The following LGI2 variants were observed in gnomAD, a reference collection of about 807,000 sequenced individuals.
LGI2 encodes leucine-rich repeat LGI family member 2.
A neutral mutation model predicts 52.0 loss-of-function variants in LGI2; 30 were observed. The observed-to-expected ratio is 0.58, with a 90% CI of 0.43 to 0.78. The LOEUF is 0.78. LGI2 is among the 30% of genes least tolerant of loss of function. The pLI is 0.00. For missense variants in LGI2, 573 were observed against 692.5 expected, an observed-to-expected ratio of 0.83 and a Z score of 1.94; for synonymous variants, 270 against 271.8, an observed-to-expected ratio of 0.99 and a Z score of 0.06.
rs759693990 is a variant in LGI2, at chr4:25,012,324, C to T, written c.820+11G>A. On this transcript the variant is annotated intron_variant, in intron 7 of 7. Transcript: ENST00000382114. ...ATTAGTTCAACACATCTGATCAAAGCCACAACACACCTGTAATGTTGTCAT... is the reference window on the plus strand; with the variant it reads ...ATTAGTTCAACACATCTGATCAAAGTCACAACACACCTGTAATGTTGTCAT... 6.2e-7 allele frequency: 1 copy of T among 1,613,938 alleles called. No individual in the cohort carries two copies. Among genetic ancestry groups the T allele is most frequent in the Non-Finnish European group, 8.5e-7 (1 of 1,179,822 alleles).
chr4:25,016,744 T>G (rs759296319), intron 6 of LGI2, among the ~76,000 whole-genome samples: 1 of 152,268 alleles, frequency 6.6e-6, no homozygotes, highest in Non-Finnish European at 1.5e-5. Flanking sequence ...TAGCGGGGAC[T>G]GGCCTAAATA....
In LGI2 at chr4:25,028,581, A is replaced by G. The variant is rs1726219394; in HGVS notation, c.198-3T>C. On this transcript the variant is annotated splice_polypyrimidine_tract_variant and splice_region_variant and intron_variant, in intron 1 of 7. Coordinates refer to ENST00000382114, the MANE Select transcript of LGI2 (RefSeq NM_018176.4). ...AAAACGTCCCATTTACCAGGCTCCTACGGGCAAAAGATGAACAAAAGTAGG... is the reference window on the plus strand; with the variant it reads ...AAAACGTCCCATTTACCAGGCTCCTGCGGGCAAAAGATGAACAAAAGTAGG... 4 of 1,611,564 alleles carry G rather than the reference A, an allele frequency of 2.5e-6. No individual in the cohort carries two copies. The highest frequency in any genetic ancestry group is 3.4e-6 in the Non-Finnish European group (4 of 1,178,988).
At chr4:25,008,553 CAAAAAAAAAAAA>C (rs33920247) in intron 7 of LGI2, among the ~76,000 whole-genome samples, 1 of 86,012 alleles carries the variant, frequency 1.2e-5, no homozygotes. Flanking sequence ...GACTCTGTCT[CAAAAAAAAAAAA>C]AAAAAAAAAA....
chr4:25,003,592 G>A lies in LGI2; in HGVS notation c.1497C>T (p.Phe499=), dbSNP rs1161117454. The A allele has an allele frequency of 6.2e-7, 1 of 1,614,018 alleles. No homozygotes were observed. The highest frequency in any genetic ancestry group is 8.5e-7 in the Non-Finnish European group (1 of 1,180,022). The change falls in exon 8 of 8, where the codon TTC becomes TTT. Residue 499 remains phenylalanine (F), a synonymous_variant. Coordinates refer to ENST00000382114, the MANE Select transcript of LGI2 (RefSeq NM_018176.4). ...GCACGTAAATCTCCTTAAACTTTTT[G>A]AATAGCTGCTTCTCTTTATCCCACT... ...IYQWDKEKQL[F]KKFKEIYVQA...
chr4:25,018,296 T>A, intron 5 of LGI2, 138 bp from the exon 6 acceptor site: 2 of 597,500 alleles, frequency 3.3e-6, no homozygotes, highest in East Asian at 5.7e-5. Flanking sequence ...TTAAAAACTT[T>A]TATAATTAAT....
chr4:25,022,263 A>G (rs983117931), intron 4 of LGI2, among the ~76,000 whole-genome samples: 1 of 152,168 alleles, frequency 6.6e-6, no homozygotes, highest in Non-Finnish European at 1.5e-5. Flanking sequence ...AACTGGGGAG[A>G]TAGAACTCAA....
At chr4:25,013,592 T>C (rs567880954) in intron 6 of LGI2, among the ~76,000 whole-genome samples, 6 of 152,220 alleles carry the variant, frequency 3.9e-5, no homozygotes, top group Admixed American at 6.5e-5. Context: ...TTTAGTTACA[T>C]GACCTTTGGC....
rs188679297 is a variant in LGI2, at chr4:25,027,810, G to A, written c.269+697C>T. ...GATTGCTTTTGAAAACTACTTTTTG[G>A]ACATTTGTTTTCATCAGCACACATT... On this transcript the variant is annotated intron_variant, in intron 2 of 7. Coordinates refer to ENST00000382114, the MANE Select transcript of LGI2 (RefSeq NM_018176.4). Among the ~76,000 whole-genome samples the A allele has an allele frequency of 8.6e-4, 131 of 152,286 alleles. 1 individual carries two copies. Among genetic ancestry groups the A allele is most frequent in the African/African-American group, 3.0e-3 (126 of 41,556 alleles).
chr4:24,992,791 C>A, the LGI2 span, among the ~76,000 whole-genome samples: 1 of 152,114 alleles, frequency 6.6e-6, no homozygotes, highest in African/African-American at 2.4e-5. Flanking sequence ...CCTCTTGTGT[C>A]CCCTCACCCC....
chr4:25,014,484 C>CCA (rs1553871855), intron 6 of LGI2, among the ~76,000 whole-genome samples: 177 of 115,026 alleles, frequency 1.5e-3, no homozygotes, highest in African/African-American at 2.5e-3. Context: ...CCGCCCCCGC[C>CCA]AAAAAAAAGG....
At position 25,027,394 on chromosome 4, in the gene LGI2, T is replaced by TAA. The variant is rs10615910; in HGVS notation, c.270-457_270-456dup. On this transcript the variant is annotated intron_variant, in intron 2 of 7. Transcript: ENST00000382114. ...ATGCAGCTGGACCCATAACAATAGTTAAAAAAAAAAAAAAAAAAGTTTGTT... is the reference window on the plus strand; with the variant it reads ...ATGCAGCTGGACCCATAACAATAGTTAAAAAAAAAAAAAAAAAAAAGTTTGTT... 6.2e-3 allele frequency among the ~76,000 whole-genome samples: 901 copies of TAA among 144,404 alleles called. 9 individuals carry two copies. The highest frequency in any genetic ancestry group is 0.021 in the African/African-American group (825 of 39,194). The allele number at this position is 144,404 out of a possible 152,430, so 94.7% of individuals were successfully genotyped here. A position where few individuals can be genotyped will look rare whatever the true frequency, so the allele number is the denominator to read the frequency against.
At chr4:25,026,725 G>C in intron 3 of LGI2, 143 bp downstream of exon 3, 1 of 671,816 alleles carries the variant, frequency 1.5e-6, no homozygotes, top group African/African-American at 1.8e-5. Context: ...ACTATAAAAG[G>C]TCAGTGCTGA....
At chr4:24,998,677 T>C (rs895996454), downstream of LGI2, among the ~76,000 whole-genome samples, 1 of 152,168 alleles carries the variant, frequency 6.6e-6, no homozygotes, top group African/African-American at 2.4e-5. Flanking sequence ...TGGGTGATTT[T>C]TTAGTTTCCA....
intron 4 of LGI2, among the ~76,000 whole-genome samples, chr4:25,019,810 A>G (rs572045044): frequency 6.6e-6 from 1 of 152,092 alleles, no homozygotes; most frequent in Non-Finnish European, 1.5e-5. Context: ...TCCCTGTACC[A>G]CCATCATTTG....
chr4:25,026,985 T>A, intron 2 of LGI2, 46 bp from the exon 3 acceptor site: 2 of 1,406,400 alleles, frequency 1.4e-6, no homozygotes. Flanking sequence ...AAAACTTGAG[T>A]CACATGGTAA....
intron 7 of LGI2, 71 bp downstream of exon 7, chr4:25,012,264 C>T (rs753736417): frequency 2.2e-4 from 342 of 1,536,604 alleles, no homozygotes; most frequent in Middle Eastern, 2.2e-3. Context: ...ATACAGAGGA[C>T]ATTCCTCCTC....
At chr4:25,023,290 C>A (rs530551335) in intron 4 of LGI2, among the ~76,000 whole-genome samples, 1 of 152,140 alleles carries the variant, frequency 6.6e-6, no homozygotes, top group Non-Finnish European at 1.5e-5. Context: ...CCTATCCAAG[C>A]CTATACGACT....
intron 7 of LGI2, among the ~76,000 whole-genome samples, chr4:25,010,137 G>A (rs182916737): frequency 6.9e-4 from 105 of 152,136 alleles, no homozygotes; most frequent in African/African-American, 2.3e-3. Flanking sequence ...AAAATTAGCC[G>A]GGTGCGGTAG....
Position 25,004,522 on chromosome 4 carries a change from T to C in LGI2, c.821-254A>G, listed in dbSNP as rs1725342868. Among the ~76,000 whole-genome samples, 1 of 152,160 alleles carries C rather than the reference T, an allele frequency of 6.6e-6. No individual in the cohort carries two copies. The highest frequency in any genetic ancestry group is 1.5e-5 in the Non-Finnish European group (1 of 68,028). ...TACACCTAATGCTATAGACCAAATG[T>C]TTGTGCTCTCTCCAAATGCATATGA... On this transcript the variant is annotated intron_variant, in intron 7 of 7. Coordinates refer to ENST00000382114, the MANE Select transcript of LGI2 (RefSeq NM_018176.4). This position sits in a 1 kb window ranked among gnomAD's most constrained non-coding sequence, Gnocchi z 4.6.
Sources: allele counts gnomAD v4.1 joint callset (sites outside exome capture counted in the v4.1 genomes callset), GRCh38; gene constraint gnomAD v4.1.1; non-coding constraint Gnocchi (gnomAD v3.1); transcripts MANE v1.5; gene names NCBI Gene and HGNC (gene_info 2026-07-23, HGNC 2026-07-21).